The following WWOX variants were observed in gnomAD, a reference collection of about 807,000 sequenced individuals.
WWOX encodes WW domain-containing oxidoreductase.
A neutral mutation model predicts 46.2 loss-of-function variants in WWOX; 69 were observed. That is an observed-to-expected ratio of 1.49 (90% CI 1.23 to 1.82). The LOEUF is 1.82. Among genes scored for constraint, WWOX ranks in the 40% most tolerant of loss-of-function variants. The probability of loss-of-function intolerance (pLI) is 0.00; values close to 1 mark genes in which losing one functional copy is unlikely to be tolerated. For synonymous variants in WWOX, 359 were observed against 202.6 expected (o/e 1.77, Z -6.56); for missense variants, 919 against 542.6 (o/e 1.69, Z -6.89).
At chr16:79,186,154 G>T (rs1257491337) in intron 8 of WWOX, among the ~76,000 whole-genome samples, 2 of 152,152 alleles carry the variant, frequency 1.3e-5, no homozygotes, top group African/African-American at 4.8e-5. Flanking sequence ...ATCCAGGACT[G>T]TGCTGACTTA....
chr16:79,060,103 A>G (rs887941060), intron 8 of WWOX, among the ~76,000 whole-genome samples: 1 of 152,142 alleles, frequency 6.6e-6, no homozygotes, highest in Admixed American at 6.6e-5. Flanking sequence ...TAGTTAATCC[A>G]TTGTTGTTTC....
At chr16:78,469,064 G>A (rs1395181905) in intron 8 of WWOX, among the ~76,000 whole-genome samples, 2 of 152,178 alleles carry the variant, frequency 1.3e-5, no homozygotes, top group Non-Finnish European at 2.9e-5. Flanking sequence ...CACCTGTTCA[G>A]TTTTGCTGGC....
Position 79,020,852 on chromosome 16 carries a change from A to C in WWOX, c.1057-190756A>C, listed in dbSNP as rs150560581. Among the ~76,000 whole-genome samples the C allele has an allele frequency of 4.3e-3, 659 of 152,282 alleles. 6 individuals carry two copies. The highest frequency in any genetic ancestry group is 0.013 in the African/African-American group (558 of 41,560). ...CTTTGAGGTTTGATGGTTTAATTCT[A>C]CCACAAAAGTATAAAAAGCAGGCAG... On this transcript the variant is annotated intron_variant, in intron 8 of 8. Coordinates refer to ENST00000566780, the MANE Select transcript of WWOX (RefSeq NM_016373.4).
chr16:78,342,058 G>T (rs72794022), intron 5 of WWOX, among the ~76,000 whole-genome samples: 1 of 120,750 alleles, frequency 8.3e-6, no homozygotes, highest in Admixed American at 8.0e-5. Flanking sequence ...CAAGGCTACA[G>T]TGAGCTGCAA....
chr16:78,750,658 T>A (rs2049453985), intron 8 of WWOX, among the ~76,000 whole-genome samples: 1 of 152,074 alleles, frequency 6.6e-6, no homozygotes, highest in Non-Finnish European at 1.5e-5. Context: ...GTCCCCCCTT[T>A]TGAAGTCCCC....
intron 8 of WWOX, among the ~76,000 whole-genome samples, chr16:78,565,320 A>G (rs570705852): frequency 6.6e-6 from 1 of 152,354 alleles, no homozygotes; most frequent in East Asian, 1.9e-4. Context: ...CACCTGGTCA[A>G]GATGTCAGTA....
At chr16:78,598,884 T>A (rs1266386398) in intron 8 of WWOX, among the ~76,000 whole-genome samples, 1 of 152,132 alleles carries the variant, frequency 6.6e-6, no homozygotes, top group Admixed American at 6.5e-5. Flanking sequence ...CCTGGCACTG[T>A]TCTAAACACA....
chr16:78,945,322 ATCT>A lies in WWOX; in HGVS notation c.1057-266281_1057-266279del, dbSNP rs1246335740. On this transcript the variant is annotated intron_variant, in intron 8 of 8. Transcript: ENST00000566780. ...TGAGTTGAGCAATTTGATTTGATTGATCTTCTTAAATGTATAATCTCAAACTTT... is the reference window on the plus strand; with the variant it reads ...TGAGTTGAGCAATTTGATTTGATTGATCTTAAATGTATAATCTCAAACTTT... 1.5e-4 allele frequency among the ~76,000 whole-genome samples: 23 copies of A among 152,330 alleles called. 1 individual carries two copies. In the East Asian group the frequency reaches 2.9e-3, roughly 19 times the overall value.
Position 79,146,989 on chromosome 16 carries a change from C to T in WWOX, c.1057-64619C>T, listed in dbSNP as rs116076307. 5.3e-3 allele frequency among the ~76,000 whole-genome samples: 809 copies of T among 152,294 alleles called. 12 individuals carry two copies. The highest frequency in any genetic ancestry group is 0.018 in the African/African-American group (768 of 41,552). ...ATACAATGATTCCTCATATTCTTAGCTCAGTTTCCCCCAGTGATAGCTTTT... is the reference window on the plus strand; with the variant it reads ...ATACAATGATTCCTCATATTCTTAGTTCAGTTTCCCCCAGTGATAGCTTTT... On this transcript the variant is annotated intron_variant, in intron 8 of 8. Transcript: ENST00000566780.
chr16:78,686,409 G>A (rs868799845), intron 8 of WWOX, among the ~76,000 whole-genome samples: 2 of 152,128 alleles, frequency 1.3e-5, no homozygotes, highest in East Asian at 1.9e-4. Flanking sequence ...TAGTCGGGAG[G>A]CCGAGGCAGG....
intron 8 of WWOX, among the ~76,000 whole-genome samples, chr16:79,082,951 A>T (rs562141941): frequency 1.1e-4 from 17 of 152,276 alleles, no homozygotes; most frequent in Admixed American, 3.9e-4. Flanking sequence ...TAACCCTAAA[A>T]TGTGGAAATC....
In WWOX at chr16:78,616,133, A is replaced by G. The variant is rs143797201; in HGVS notation, c.1056+183381A>G. 2.5e-3 allele frequency among the ~76,000 whole-genome samples: 383 copies of G among 152,142 alleles called. 1 individual carries two copies. The highest frequency in any genetic ancestry group is 3.8e-3 in the Non-Finnish European group (261 of 67,984). ...TCCCTACCCTGTGTCTTTGGCCTGG[A>G]AAGGGTATTGGTAGCAATTGTCTTC... On this transcript the variant is annotated intron_variant, in intron 8 of 8. Coordinates refer to ENST00000566780, the MANE Select transcript of WWOX (RefSeq NM_016373.4).
intron 6 of WWOX, among the ~76,000 whole-genome samples, chr16:78,404,832 A>G (rs1204905355): frequency 6.6e-6 from 1 of 152,198 alleles, no homozygotes; most frequent in African/African-American, 2.4e-5. Context: ...AAGCCAGAAC[A>G]CAGGGCAGTA....
At chr16:78,372,558 G>A (rs2081718093) in intron 5 of WWOX, among the ~76,000 whole-genome samples, 1 of 152,182 alleles carries the variant, frequency 6.6e-6, no homozygotes, top group Non-Finnish European at 1.5e-5. Context: ...CTGGAGGGAA[G>A]TGCCCTGTCC....
chr16:78,626,437 G>C (rs1454806745), intron 8 of WWOX, among the ~76,000 whole-genome samples: 2 of 152,300 alleles, frequency 1.3e-5, no homozygotes, highest in East Asian at 1.9e-4. Flanking sequence ...GGATGCTCCT[G>C]TGTTGGGATT....
chr16:79,013,970 G>T (rs1169664498), intron 8 of WWOX, among the ~76,000 whole-genome samples: 2 of 152,212 alleles, frequency 1.3e-5, no homozygotes, highest in African/African-American at 4.8e-5. Context: ...TCCGCCGCCT[G>T]TAAGGATTTT....
chr16:78,360,110 AAAC>A (rs573344065), intron 5 of WWOX, among the ~76,000 whole-genome samples: 7 of 152,238 alleles, frequency 4.6e-5, no homozygotes, highest in Admixed American at 2.0e-4. Flanking sequence ...AACACATTAA[AAAC>A]AACGACAAAA....
chr16:78,958,287 G>T (rs1316737145), intron 8 of WWOX, among the ~76,000 whole-genome samples: 1 of 152,006 alleles, frequency 6.6e-6, no homozygotes, highest in African/African-American at 2.4e-5. Flanking sequence ...TAATCAAATA[G>T]TGTCATCAAA....
chr16:78,608,429 C>T (rs2045816610), intron 8 of WWOX, among the ~76,000 whole-genome samples: 1 of 152,236 alleles, frequency 6.6e-6, no homozygotes, highest in Non-Finnish European at 1.5e-5. Flanking sequence ...ACTCTGTGCT[C>T]TTGCCCCAGG....
Sources: allele counts gnomAD v4.1 joint callset (sites outside exome capture counted in the v4.1 genomes callset), GRCh38; gene constraint gnomAD v4.1.1; transcripts MANE v1.5; gene names NCBI Gene and HGNC (gene_info 2026-07-23, HGNC 2026-07-21).